The following KCNH7 variants were observed in gnomAD, a reference collection of about 807,000 sequenced individuals.
KCNH7 encodes voltage-gated inwardly rectifying potassium channel KCNH7.
KCNH7 carries 49 observed loss-of-function variants against 120.8 expected under a neutral mutation model. That is an observed-to-expected ratio of 0.41 (90% CI 0.32 to 0.51). KCNH7 has a LOEUF of 0.51. Among genes scored for constraint, KCNH7 ranks in the 20% least tolerant of loss-of-function variants. The probability of loss-of-function intolerance (pLI) is 0.38; values close to 1 mark genes in which losing one functional copy is unlikely to be tolerated. For missense variants in KCNH7, 1,097 were observed against 1,446.6 expected (o/e 0.76, Z 3.92); for synonymous variants, 547 against 516.1 (o/e 1.06, Z -0.81).
intron 8 of KCNH7, among the ~76,000 whole-genome samples, chr2:162,423,805 A>G (rs1374843793): frequency 1.3e-5 from 2 of 152,316 alleles, no homozygotes; most frequent in Non-Finnish European, 2.9e-5. Flanking sequence ...GGCTGGGAGC[A>G]CTGACTAGGG....
At chr2:162,786,501 A>G (rs768545224) in intron 2 of KCNH7, among the ~76,000 whole-genome samples, 14 of 152,208 alleles carry the variant, frequency 9.2e-5, no homozygotes, top group Non-Finnish European at 1.9e-4. Context: ...TTGTACTTCT[A>G]TTATAAACCA....
rs147120899 is a variant in KCNH7 at position 162,794,739 on chromosome 2, G to A, written c.307+41798C>T. Among the ~76,000 whole-genome samples, 893 of 151,978 alleles carry A rather than the reference G, an allele frequency of 5.9e-3. 11 individuals carry two copies. The highest frequency in any genetic ancestry group is 0.02 in the African/African-American group (840 of 41,492). Reference sequence around the variant, plus strand: ...TAGGCTTACTAAGCCAATTTTTATTGTATAATTTATGCATTCCCATTAGTA... The same window carrying A: ...TAGGCTTACTAAGCCAATTTTTATTATATAATTTATGCATTCCCATTAGTA... On this transcript the variant is annotated intron_variant, in intron 2 of 15. Transcript: ENST00000332142.
chr2:162,408,042 G>A (rs1007241931), intron 9 of KCNH7, among the ~76,000 whole-genome samples: 16 of 152,000 alleles, frequency 1.1e-4, no homozygotes, highest in Admixed American at 8.5e-4. Context: ...AAATTTGAAA[G>A]CAGAGACAAT....
chr2:162,724,728 CCT>C (rs1197162619), intron 2 of KCNH7, among the ~76,000 whole-genome samples: 2 of 151,764 alleles, frequency 1.3e-5, no homozygotes, highest in Admixed American at 1.3e-4. Context: ...TCTCTCTCTT[CCT>C]CTCTCTCTCA....
At chr2:162,828,475 C>T (rs1685365036) in intron 2 of KCNH7, among the ~76,000 whole-genome samples, 1 of 151,988 alleles carries the variant, frequency 6.6e-6, no homozygotes, top group African/African-American at 2.4e-5. Context: ...GTCTTGAACT[C>T]ATGCAGTTAT....
At chr2:162,589,706 G>A (rs766542668) in intron 2 of KCNH7, among the ~76,000 whole-genome samples, 1 of 152,062 alleles carries the variant, frequency 6.6e-6, no homozygotes, top group Non-Finnish European at 1.5e-5. Flanking sequence ...ATCTGAGGAA[G>A]GAGTCTACTG....
chr2:162,748,814 T>C (rs1157704663), intron 2 of KCNH7, among the ~76,000 whole-genome samples: 1 of 138,686 alleles, frequency 7.2e-6, no homozygotes. Flanking sequence ...ATATCTTTAA[T>C]CCTTCTCCCT....
intron 2 of KCNH7, among the ~76,000 whole-genome samples, chr2:162,622,934 G>A (rs1412936858): frequency 6.6e-6 from 1 of 152,114 alleles, no homozygotes; most frequent in Non-Finnish European, 1.5e-5. Flanking sequence ...GTAAAACAAA[G>A]AGGCAGTATG....
At chr2:162,457,742 G>A (rs1312722051) in intron 6 of KCNH7, among the ~76,000 whole-genome samples, 1 of 152,028 alleles carries the variant, frequency 6.6e-6, no homozygotes, top group East Asian at 1.9e-4. Context: ...TCCTTTACTC[G>A]GGACTTGCAC....
At chr2:162,688,619 C>G (rs1410581251) in intron 2 of KCNH7, among the ~76,000 whole-genome samples, 1 of 152,100 alleles carries the variant, frequency 6.6e-6, no homozygotes, top group Admixed American at 6.6e-5. Context: ...ATTCAAGCCA[C>G]TGAATGACTC....
intron 2 of KCNH7, among the ~76,000 whole-genome samples, chr2:162,753,308 T>C (rs1002763446): frequency 2.0e-5 from 3 of 152,168 alleles, no homozygotes; most frequent in African/African-American, 7.2e-5. Context: ...GATACTCACA[T>C]ATAATTTCAA....
chr2:162,654,465 A>T (rs933946278), intron 2 of KCNH7, among the ~76,000 whole-genome samples: 3 of 152,064 alleles, frequency 2.0e-5, no homozygotes, highest in African/African-American at 7.2e-5. Flanking sequence ...CCTACCTATT[A>T]AAATGGTTTT....
chr2:162,528,701 T>C (rs764609609), intron 3 of KCNH7, among the ~76,000 whole-genome samples: 3 of 151,930 alleles, frequency 2.0e-5, no homozygotes, highest in East Asian at 1.9e-4. Context: ...GTAAAAGATA[T>C]AGACAGTGGA....
intron 9 of KCNH7, among the ~76,000 whole-genome samples, chr2:162,411,517 T>A (rs1687392070): frequency 6.6e-6 from 1 of 152,006 alleles, no homozygotes; most frequent in African/African-American, 2.4e-5. Context: ...CTATGTTCAC[T>A]ACCTTGGGAT....
intron 6 of KCNH7, among the ~76,000 whole-genome samples, chr2:162,489,738 G>A (rs59787140): frequency 0.015 from 2,210 of 152,116 alleles, 64 homozygotes; most frequent in African/African-American, 0.049. Context: ...TTCAATTTGC[G>A]TATTTAAATA....
chr2:162,496,267 C>T (rs1425861219), intron 6 of KCNH7, among the ~76,000 whole-genome samples: 1 of 152,120 alleles, frequency 6.6e-6, no homozygotes, highest in South Asian at 2.1e-4. Context: ...TTTCTTTAGG[C>T]AGACAGTAAG....
chr2:162,807,275 A>AC (rs924249725), intron 2 of KCNH7, among the ~76,000 whole-genome samples: 31 of 144,288 alleles, frequency 2.1e-4, no homozygotes, highest in East Asian at 4.0e-4. Context: ...AAAAAAAAAA[A>AC]AAAAAAAACA....
chr2:162,504,354 G>A (rs111672282), intron 6 of KCNH7, 89 bp downstream of exon 6: 32 of 978,728 alleles, frequency 3.3e-5, no homozygotes, highest in African/African-American at 2.4e-4. Flanking sequence ...TACCTCTACC[G>A]ACAGTCATTT....
At chr2:162,621,631 C>T (rs1294825249) in intron 2 of KCNH7, among the ~76,000 whole-genome samples, 10 of 152,010 alleles carry the variant, frequency 6.6e-5, no homozygotes, top group Non-Finnish European at 1.2e-4. Flanking sequence ...TAAATAAATT[C>T]AGTAAGTATA....
Sources: gnomAD v4.1 joint callset for allele counts (sites outside exome capture counted in the v4.1 genomes callset) on GRCh38, gnomAD v4.1.1 for gene constraint, MANE v1.5 for transcripts, NCBI Gene and HGNC (gene_info 2026-07-23, HGNC 2026-07-21) for gene names.